RNF17: variants seen among roughly 807,000 people sequenced by gnomAD.
RNF17 encodes the protein ring finger protein 17.
A neutral mutation model predicts 200.5 loss-of-function variants in RNF17; 31 were observed. The observed-to-expected ratio is 0.15, with a 90% CI of 0.12 to 0.21. The LOEUF (loss-of-function observed/expected upper bound fraction) is 0.21, where lower values mean the gene tolerates loss of function less well. Among genes scored for constraint, RNF17 ranks in the 10% least tolerant of loss-of-function variants. RNF17 has a pLI of 1.00. For synonymous variants in RNF17, 606 were observed against 637.8 expected, an observed-to-expected ratio of 0.95 and a Z score of 0.75; for missense variants, 1,628 against 1,905.1, an observed-to-expected ratio of 0.85 and a Z score of 2.71.
At chr13:24,781,285 A>G (rs1298818546) in intron 5 of RNF17, among the ~76,000 whole-genome samples, 1 of 152,138 alleles carries the variant, frequency 6.6e-6, no homozygotes. Context: ...AAAAAAATTT[A>G]GTACACTCAT....
chr13:24,842,202 TATGTAAC>T, intron 19 of RNF17, 41 bp downstream of exon 19: 1 of 1,526,988 alleles, frequency 6.5e-7, no homozygotes, highest in African/African-American at 1.4e-5. Context: ...TTCATGTTCT[TATGTAAC>T]ATTGTAATCA....
In RNF17 at chr13:24,788,835, G is replaced by A. The variant is rs187142869; in HGVS notation, c.784-513G>A. Among the ~76,000 whole-genome samples the A allele has an allele frequency of 3.3e-5, 5 of 152,242 alleles. 1 individual carries two copies. Among genetic ancestry groups the A allele is most frequent in the Admixed American group, 3.3e-4 (5 of 15,272 alleles). On this transcript the variant is annotated intron_variant, in intron 7 of 35. Transcript: ENST00000255324. ...AATCTTCAGGATCTCACTTCCCGTG[G>A]ATAATCAGGTGTATAGAAGAGAAGC...
At chr13:24,880,700 G>A (rs534688340), downstream of RNF17, among the ~76,000 whole-genome samples, 6 of 152,122 alleles carry the variant, frequency 3.9e-5, no homozygotes, top group South Asian at 2.1e-4. Context: ...ATACATGAGC[G>A]GCTTTCTAGT....
intron 16 of RNF17, among the ~76,000 whole-genome samples, chr13:24,828,343 C>G (rs978248923): frequency 6.6e-6 from 1 of 152,080 alleles, no homozygotes. Context: ...CTGTTGAACT[C>G]CCTCTTGAAG....
intron 3 of RNF17, among the ~76,000 whole-genome samples, chr13:24,777,200 C>T (rs1285568985): frequency 6.6e-6 from 1 of 152,160 alleles, no homozygotes; most frequent in Admixed American, 6.5e-5. Flanking sequence ...GGCTAATGCA[C>T]TCATGTTTTT....
the RNF17 span, among the ~76,000 whole-genome samples, chr13:24,752,650 G>A: frequency 6.6e-6 from 1 of 152,188 alleles, no homozygotes; most frequent in African/African-American, 2.4e-5. Context: ...ATGGCCCGCC[G>A]AGGCTGCGGC....
the RNF17 span, among the ~76,000 whole-genome samples, chr13:24,754,397 C>A: frequency 6.6e-6 from 1 of 152,198 alleles, no homozygotes; most frequent in South Asian, 2.1e-4. Context: ...TTTAGAAAGG[C>A]AAGCAGCACC....
At chr13:24,832,051 T>G in intron 18 of RNF17, 73 bp downstream of exon 18, 1 of 1,117,726 alleles carries the variant, frequency 8.9e-7, no homozygotes, top group East Asian at 2.8e-5. Context: ...TTTGTCAAAT[T>G]TTAGAATAAA....
downstream of RNF17, chr13:24,883,990 G>A: frequency 6.2e-7 from 1 of 1,614,100 alleles, no homozygotes; most frequent in Non-Finnish European, 8.5e-7. Flanking sequence ...TGTACCATCT[G>A]GGAAAATGCT....
At chr13:24,809,896 G>T (rs1448300432) in intron 15 of RNF17, among the ~76,000 whole-genome samples, 3 of 151,906 alleles carry the variant, frequency 2.0e-5, no homozygotes, top group Admixed American at 6.6e-5. Context: ...ATTTCGTTAT[G>T]TACCCAGTAG....
chr13:24,863,776 C>A (rs986990965), intron 28 of RNF17, among the ~76,000 whole-genome samples: 2 of 152,190 alleles, frequency 1.3e-5, no homozygotes, highest in African/African-American at 4.8e-5. Flanking sequence ...TTAATTGACA[C>A]AGAAGAATAG....
At chr13:24,749,386 C>A in the RNF17 span, among the ~76,000 whole-genome samples, 1 of 144,340 alleles carries the variant, frequency 6.9e-6, no homozygotes, top group Non-Finnish European at 1.5e-5. Flanking sequence ...CTCACTGCAA[C>A]CTCCCCTCCC....
chr13:24,807,161 T>C (rs1254150915), intron 15 of RNF17, among the ~76,000 whole-genome samples: 3 of 151,886 alleles, frequency 2.0e-5, no homozygotes, highest in Admixed American at 6.6e-5. Flanking sequence ...TGGGTATATA[T>C]CCAGTAATGG....
intron 6 of RNF17, 84 bp downstream of exon 6, chr13:24,782,028 A>G (rs1301489945): frequency 5.5e-6 from 5 of 902,298 alleles, no homozygotes; most frequent in Admixed American, 4.4e-5. Flanking sequence ...TAGAATGGTA[A>G]TGGGTAACTT....
intron 5 of RNF17, 77 bp downstream of exon 5, chr13:24,779,824 C>T (rs1882101968): frequency 1.8e-6 from 2 of 1,130,214 alleles, no homozygotes; most frequent in African/African-American, 1.5e-5. Context: ...GGAGATGTTA[C>T]CACTGAGGTT....
intron 14 of RNF17, chr13:24,803,777 G>A (rs1042478209): frequency 1.3e-5 from 2 of 153,836 alleles, no homozygotes; most frequent in Non-Finnish European, 2.9e-5. Context: ...AAAAATAGAA[G>A]CAGCTTTGAA....
upstream of RNF17, chr13:24,764,006 G>A: frequency 2.2e-6 from 1 of 452,384 alleles, no homozygotes; most frequent in Non-Finnish European, 4.0e-6. Context: ...ACGGCCACAA[G>A]GCGCCCCTTC....
intron 18 of RNF17, among the ~76,000 whole-genome samples, chr13:24,836,797 AT>A (rs1440827326): frequency 3.1e-5 from 3 of 98,106 alleles, no homozygotes; most frequent in African/African-American, 1.2e-4. Context: ...TAAAACAAAA[AT>A]ACAAGTTAAA....
At chr13:24,852,338 CCG>C (rs1892017580) in intron 24 of RNF17, among the ~76,000 whole-genome samples, 1 of 152,038 alleles carries the variant, frequency 6.6e-6, no homozygotes, top group East Asian at 1.9e-4. Flanking sequence ...CGGGGTTTCA[CCG>C]TGTTAGCCAG....
Sources: allele counts gnomAD v4.1 joint callset (sites outside exome capture counted in the v4.1 genomes callset), GRCh38; gene constraint gnomAD v4.1.1; transcripts MANE v1.5; gene names NCBI Gene and HGNC (gene_info 2026-07-23, HGNC 2026-07-21).